SPTB: variants seen among roughly 807,000 people sequenced by gnomAD.
The protein encoded by SPTB is spectrin beta chain, erythrocytic.
A neutral mutation model predicts 256.2 loss-of-function variants in SPTB; 45 were observed. The ratio of observed to expected loss-of-function variants is 0.18; its 90% CI spans 0.14 to 0.23. SPTB has a LOEUF of 0.23. Ranked by LOEUF, SPTB falls within the 10% of genes least tolerant of loss-of-function variation. SPTB has a pLI of 1.00. For synonymous variants in SPTB, 1,231 were observed against 1,243.1 expected (o/e 0.99, Z 0.21); for missense variants, 2,715 against 3,040.4 (o/e 0.89, Z 2.52).
rs1316135179 is a variant in SPTB at position 64,806,616 on chromosome 14, G to A, written c.149-1526C>T. On this transcript the variant is annotated intron_variant, in intron 2 of 35. Transcript: ENST00000644917. This position sits in a 1 kb window ranked among gnomAD's most constrained non-coding sequence, Gnocchi z 4.1. ...TGCATCAGATGCCTTCCGGCTTCAT[G>A]GCTATTTTGGTATTAGGAACTCAGA... 6.6e-6 allele frequency among the ~76,000 whole-genome samples: 1 copy of A among 152,212 alleles called. No individual in the cohort carries two copies. Among genetic ancestry groups the A allele is most frequent in the East Asian group, 1.9e-4 (1 of 5,200 alleles).
Position 64,793,223 on chromosome 14 carries a change from G to C in SPTB, c.2440C>G (p.Arg814Gly), listed in dbSNP as rs148718822. 14 of 1,611,002 alleles carry C rather than the reference G, an allele frequency of 8.7e-6. No homozygotes were observed. The African/African-American group carries it at 1.7e-4, about 20-fold the overall frequency. The change falls in exon 14 of 36, where the codon CGG becomes GGG. Residue 814 changes from arginine to glycine, a missense_variant. Coordinates refer to ENST00000644917, the MANE Select transcript of SPTB (RefSeq NM_001355436.2). The surrounding 1 kb of genome is among the most constrained non-coding windows in gnomAD (Gnocchi z 7.0). ...QQAQGFPEEF[R>G]DSPDVTHRLQ... ...CGATGGGTCACATCTGGGGAATCCC[G>C]AAACTCTTCGGGGAATCCCTGGGCC...
chr14:64,796,838 G>T lies in SPTB; in HGVS notation c.1183-123C>A. The T allele has an allele frequency of 2.3e-6, 3 of 1,291,804 alleles. No homozygotes were observed. Among genetic ancestry groups the T allele is most frequent in the Non-Finnish European group, 3.3e-6 (3 of 909,084 alleles). The allele number at this position is 1,291,804 out of a possible 1,614,324, so 80.0% of individuals were successfully genotyped here. On this transcript the variant is annotated intron_variant, in intron 10 of 35. Coordinates refer to ENST00000644917, the MANE Select transcript of SPTB (RefSeq NM_001355436.2). This position sits in a 1 kb window ranked among gnomAD's most constrained non-coding sequence, Gnocchi z 4.1. ...TCAAGGTACAGCCTGATGCTCTTGG[G>T]TGACGTGGTAGCAGATTAAAGATCA...
intron 1 of SPTB, among the ~76,000 whole-genome samples, chr14:64,834,017 ATTGTTTT>A (rs373008160): frequency 6.1e-4 from 92 of 151,958 alleles, no homozygotes; most frequent in Middle Eastern, 3.4e-3. Context: ...TCAACCACAC[ATTGTTTT>A]TTGTTTTTTG....
intron 32 of SPTB, chr14:64,754,192 C>T: frequency 2.9e-6 from 1 of 349,456 alleles, no homozygotes; most frequent in East Asian, 6.8e-5. Context: ...GCCAGACACT[C>T]GTATGAGGAA....
chr14:64,852,414 G>T lies in SPTB; in HGVS notation c.-52+27378C>A, dbSNP rs73277744. 0.025 allele frequency among the ~76,000 whole-genome samples: 3,833 copies of T among 152,284 alleles called. 133 individuals carry two copies. The highest frequency in any genetic ancestry group is 0.079 in the African/African-American group (3,301 of 41,544). On this transcript the variant is annotated intron_variant, in intron 1 of 35. Coordinates refer to ENST00000644917, the MANE Select transcript of SPTB (RefSeq NM_001355436.2). The surrounding 1 kb of genome is among the most constrained non-coding windows in gnomAD (Gnocchi z 4.2). ...CTGAGCAGTGGGGAGTCAGTGAAGGGTGCTAAATGGAACAGCATGGCTAGG... is the reference window on the plus strand; with the variant it reads ...CTGAGCAGTGGGGAGTCAGTGAAGGTTGCTAAATGGAACAGCATGGCTAGG...
Position 64,803,619 on chromosome 14 carries a change from G to A in SPTB, c.462C>T (p.Ile154=), listed in dbSNP as rs1242883104. The change falls in exon 4 of 36, where the codon ATC becomes ATT. Residue 154 remains isoleucine, a synonymous_variant. Coordinates refer to ENST00000644917, the MANE Select transcript of SPTB (RefSeq NM_001355436.2). ...CCCAGGAACCCACCTGGAAGCGGAG[G>A]ATGATGGTCCAGATGAGGCCCAGGA... ...RLVLGLIWTI[I]LRFQIQDIVV... 9 of 1,614,202 alleles carry A rather than the reference G, an allele frequency of 5.6e-6. No homozygotes were observed. The highest frequency in any genetic ancestry group is 7.6e-6 in the Non-Finnish European group (9 of 1,180,060).
intron 2 of SPTB, among the ~76,000 whole-genome samples, chr14:64,811,834 G>T (rs896956433): frequency 4.6e-5 from 7 of 152,182 alleles, no homozygotes; most frequent in Admixed American, 3.9e-4. Context: ...TAAAATGCTT[G>T]TGTTGGCAAG....
Position 64,767,747 on chromosome 14 carries a change from C to T in SPTB, c.6135G>A (p.Glu2045=). The T allele has an allele frequency of 1.9e-6, 3 of 1,614,218 alleles. No homozygotes were observed. The highest frequency in any genetic ancestry group is 1.3e-5 in the African/African-American group (1 of 75,060). ...AAGCCTCATGCCTCTTGATGAGCTT[C>T]TCCACACTGTCCACTGTGTGTCCAA... The part of the protein sequence containing the change: ...GDFGHTVDSV[E]KLIKRHEAFE... The change falls in exon 30 of 36, where the codon GAG becomes GAA. Residue 2045 remains glutamate, a synonymous_variant. Coordinates refer to ENST00000644917, the MANE Select transcript of SPTB (RefSeq NM_001355436.2).
At position 64,764,686 on chromosome 14, in the gene SPTB, C is replaced by T. The variant is rs900471346; in HGVS notation, c.6345+2040G>A. Reference sequence around the variant, plus strand: ...AGTCGCTCTGGTGCTCACAGAGGAGCCCGCACACCAGGACACCGCCACATG... The same window carrying T: ...AGTCGCTCTGGTGCTCACAGAGGAGTCCGCACACCAGGACACCGCCACATG... On this transcript the variant is annotated intron_variant, in intron 32 of 35. Transcript: ENST00000644917. This position sits in a 1 kb window ranked among gnomAD's most constrained non-coding sequence, Gnocchi z 4.2. Among the ~76,000 whole-genome samples, 1 of 152,130 alleles carries T rather than the reference C, an allele frequency of 6.6e-6. No individual in the cohort carries two copies. The highest frequency in any genetic ancestry group is 1.5e-5 in the Non-Finnish European group (1 of 68,026).
rs1278963787 is a variant in SPTB, at chr14:64,772,943, G to C, written c.5190C>G (p.Asp1730Glu). 6.2e-7 allele frequency: 1 copy of C among 1,601,846 alleles called. No individual in the cohort carries two copies. Among genetic ancestry groups the C allele is most frequent in the Admixed American group, 1.7e-5 (1 of 59,770 alleles). ...TCTCCCGGGCAAAGTCCCGGAACTT[G>C]TCCCGCAGAAGCTAGGCATGGGGCA... The part of the protein sequence containing the change: ...QDFDHVTLLR[D>E]KFRDFARETG... The change falls in exon 26 of 36, where the codon GAC becomes GAG. Residue 1730 changes from aspartate (D) to glutamate (E), a missense_variant. This residue lies in a region of SPTB where 2,239 missense variants were observed against 2,384.4 expected (regional missense o/e 0.94). Coordinates refer to ENST00000644917, the MANE Select transcript of SPTB (RefSeq NM_001355436.2). The surrounding 1 kb of genome is among the most constrained non-coding windows in gnomAD (Gnocchi z 5.4).
chr14:64,795,340 G>T lies in SPTB; in HGVS notation c.1641C>A (p.Ile547=). 6.2e-7 allele frequency: 1 copy of T among 1,606,652 alleles called. No homozygotes were observed. Among genetic ancestry groups the T allele is most frequent in the South Asian group, 1.1e-5 (1 of 91,006 alleles). Residue 547 remains isoleucine (I), a synonymous_variant, in exon 12 of 36, where the codon ATC becomes ATA. Coordinates refer to ENST00000644917, the MANE Select transcript of SPTB (RefSeq NM_001355436.2). This position sits in a 1 kb window ranked among gnomAD's most constrained non-coding sequence, Gnocchi z 6.5. ...MLHSIDWMDE[I]KAHLLSAEFG... ...GGGGGCGGCCCCCAGGGCCCACCTTGATCTCATCCATCCAGTCGATGCTGT... is the reference window on the plus strand; with the variant it reads ...GGGGGCGGCCCCCAGGGCCCACCTTTATCTCATCCATCCAGTCGATGCTGT...
In SPTB at chr14:64,746,293, T is replaced by C. The variant is rs930706099; in HGVS notation, c.*3013A>G. On this transcript the variant is annotated 3_prime_UTR_variant, in exon 36 of 36. Transcript: ENST00000644917. This position sits in a 1 kb window ranked among gnomAD's most constrained non-coding sequence, Gnocchi z 4.9. The stretch of plus-strand genomic sequence containing the variant: ...AAACTGAGAGAAACATGGAGCATTA[T>C]TGATTTATTAGAAAAACTAGTAAAT... 3.3e-5 allele frequency: 5 copies of C among 152,374 alleles called. No homozygotes were observed. The highest frequency in any genetic ancestry group is 5.9e-5 in the Non-Finnish European group (4 of 68,052). The allele number at this position is 152,374 out of a possible 1,614,324, so 9.4% of individuals were successfully genotyped here.
intron 2 of SPTB, among the ~76,000 whole-genome samples, chr14:64,817,291 C>T (rs1211884355): frequency 6.6e-6 from 1 of 152,210 alleles, no homozygotes; most frequent in African/African-American, 2.4e-5. Flanking sequence ...GGGACAATCT[C>T]ACCATGGCTG....
chr14:64,830,604 T>G (rs529691936), intron 1 of SPTB, among the ~76,000 whole-genome samples: 9 of 152,138 alleles, frequency 5.9e-5, no homozygotes, highest in African/African-American at 1.2e-4. Context: ...TGAAAGGGTC[T>G]TTTGTTCGTC....
At chr14:64,800,130 C>T (rs894507015) in intron 8 of SPTB, among the ~76,000 whole-genome samples, 196 bp from the exon 9 acceptor site, 5 of 152,204 alleles carry the variant, frequency 3.3e-5, no homozygotes, top group African/African-American at 1.2e-4. Context: ...GGGTGAGGCC[C>T]TCCTCTTGCC....
chr14:64,767,174 T>C (rs1594753321), intron 31 of SPTB, 129 bp downstream of exon 31: 2 of 1,247,958 alleles, frequency 1.6e-6, no homozygotes, highest in South Asian at 2.4e-5. Context: ...ACTCTGGGCC[T>C]TCCTGACGAG....
intron 7 of SPTB, 39 bp downstream of exon 7, chr14:64,801,246 C>A: frequency 6.4e-7 from 1 of 1,552,094 alleles, no homozygotes. Context: ...GCATCCCCCA[C>A]TGCTGCAGCA....
rs891165948 is a variant in SPTB at position 64,823,894 on chromosome 14, C to T, written c.-51-749G>A. ...GCTGTCCCATCAAGCACGTGGCAGT[C>T]GGGGCATCCCATGGACAATGGAACC... On this transcript the variant is annotated intron_variant, in intron 1 of 35. Transcript: ENST00000644917. The surrounding 1 kb of genome is among the most constrained non-coding windows in gnomAD (Gnocchi z 6.5). Among the ~76,000 whole-genome samples the T allele has an allele frequency of 5.9e-5, 9 of 152,168 alleles. No individual in the cohort carries two copies. Among genetic ancestry groups the T allele is most frequent in the African/African-American group, 1.9e-4 (8 of 41,438 alleles).
intron 1 of SPTB, among the ~76,000 whole-genome samples, chr14:64,867,859 CAAAAAAAAAAA>C (rs35825614): frequency 1.6e-5 from 2 of 124,092 alleles, no homozygotes; most frequent in East Asian, 6.8e-4. Flanking sequence ...GACTCTGTCT[CAAAAAAAAAAA>C]AAAAAAAAAA....
Sources: gnomAD v4.1 joint callset for allele counts (sites outside exome capture counted in the v4.1 genomes callset) on GRCh38, gnomAD v4.1.1 for gene constraint, gnomAD v4.1.1 regional missense constraint, Gnocchi (gnomAD v3.1) non-coding constraint, MANE v1.5 for transcripts, NCBI Gene and HGNC (gene_info 2026-07-23, HGNC 2026-07-21) for gene names.